The following RAB38 variants were observed in gnomAD, a reference collection of about 807,000 sequenced individuals.
RAB38 encodes ras-related protein Rab-38.
In RAB38, 15 loss-of-function variants were observed where a neutral mutation model predicts 18.4. That is an observed-to-expected ratio of 0.82 (90% CI 0.55 to 1.26). The LOEUF (loss-of-function observed/expected upper bound fraction) is 1.26, where lower values mean the gene tolerates loss of function less well. Among genes scored for constraint, RAB38 ranks in the 50% most tolerant of loss-of-function variants. The probability of loss-of-function intolerance (pLI) is 0.00; values close to 1 mark genes in which losing one functional copy is unlikely to be tolerated. For missense variants in RAB38, 294 were observed against 267.4 expected, an observed-to-expected ratio of 1.10 and a Z score of -0.69; for synonymous variants, 101 against 104.4, an observed-to-expected ratio of 0.97 and a Z score of 0.20.
At chr11:87,850,326 T>C in the RAB38 span, among the ~76,000 whole-genome samples, 2 of 152,136 alleles carry the variant, frequency 1.3e-5, no homozygotes, top group East Asian at 1.9e-4. Context: ...TACACACATA[T>C]GTACACTTCA....
At chr11:87,846,576 A>T in the RAB38 span, among the ~76,000 whole-genome samples, 1 of 151,036 alleles carries the variant, frequency 6.6e-6, no homozygotes, top group Non-Finnish European at 1.5e-5. Flanking sequence ...AATGTACAGA[A>T]TTAAAGAAAT....
At chr11:88,075,119 T>A in the RAB38 span, among the ~76,000 whole-genome samples, 3 of 152,160 alleles carry the variant, frequency 2.0e-5, no homozygotes. Flanking sequence ...TCAACACCAT[T>A]CTCAGCAATG....
chr11:88,173,910 C>G, intron 1 of RAB38: 1 of 985,426 alleles, frequency 1.0e-6, no homozygotes. Context: ...AATGCCCTTT[C>G]AAAAATTTTC....
chr11:88,123,520 T>C (rs538793602), intron 2 of RAB38, among the ~76,000 whole-genome samples: 26 of 152,232 alleles, frequency 1.7e-4, no homozygotes, highest in Non-Finnish European at 2.9e-4. Context: ...TATTATTTGA[T>C]ACCATTCTTT....
chr11:88,112,891 TC>T (rs964738215), downstream of RAB38, among the ~76,000 whole-genome samples: 2 of 152,082 alleles, frequency 1.3e-5, no homozygotes, highest in African/African-American at 4.8e-5. Flanking sequence ...CCTGCACGTG[TC>T]AGCACCACAA....
chr11:88,102,523 C>A, the RAB38 span, among the ~76,000 whole-genome samples: 1 of 152,030 alleles, frequency 6.6e-6, no homozygotes, highest in Non-Finnish European at 1.5e-5. Flanking sequence ...AATCACATGG[C>A]TATACTCATC....
the RAB38 span, among the ~76,000 whole-genome samples, chr11:87,923,490 T>C: frequency 6.6e-6 from 1 of 151,662 alleles, no homozygotes; most frequent in Non-Finnish European, 1.5e-5. Flanking sequence ...CAAACATAAT[T>C]AGTACTAGAG....
the RAB38 span, among the ~76,000 whole-genome samples, chr11:87,864,296 C>G: frequency 1.3e-5 from 2 of 150,516 alleles, no homozygotes; most frequent in Non-Finnish European, 3.0e-5. Flanking sequence ...CTATACTATA[C>G]TATGCTGTAC....
chr11:87,905,101 C>G, the RAB38 span, among the ~76,000 whole-genome samples: 3 of 151,508 alleles, frequency 2.0e-5, no homozygotes, highest in Non-Finnish European at 4.4e-5. Flanking sequence ...TGAGTAGCTT[C>G]TATTTCCCCG....
At chr11:87,961,351 C>T in the RAB38 span, among the ~76,000 whole-genome samples, 4 of 152,150 alleles carry the variant, frequency 2.6e-5, no homozygotes, top group African/African-American at 9.7e-5. Flanking sequence ...TTGTGTGATC[C>T]ATATAATGCT....
rs1447862493 is a variant in RAB38, at chr11:88,157,706, A to G, written c.203-7751T>C. ...AAATCTCTCAAAACCACACAATTACATGGAAATGAAAACAACTTGCTTTTG... is the reference window on the plus strand; with the variant it reads ...AAATCTCTCAAAACCACACAATTACGTGGAAATGAAAACAACTTGCTTTTG... On this transcript the variant is annotated intron_variant, in intron 1 of 2. Transcript: ENST00000243662. Among the ~76,000 whole-genome samples the G allele has an allele frequency of 2.6e-5, 4 of 152,292 alleles. No individual in the cohort carries two copies. The East Asian group carries it at 7.7e-4, about 29-fold the overall frequency.
the RAB38 span, among the ~76,000 whole-genome samples, chr11:88,021,563 A>T: frequency 0.014 from 2,049 of 141,964 alleles, 33 homozygotes; most frequent in South Asian, 0.02. Context: ...AGAGAAAGAT[A>T]ATTTATTTAT....
the RAB38 span, among the ~76,000 whole-genome samples, chr11:88,008,553 T>C: frequency 1.3e-5 from 2 of 152,180 alleles, no homozygotes; most frequent in Non-Finnish European, 2.9e-5. Flanking sequence ...TTCTAATGCA[T>C]GATAAAGTTT....
chr11:87,885,521 T>C, the RAB38 span, among the ~76,000 whole-genome samples: 2 of 152,044 alleles, frequency 1.3e-5, no homozygotes, highest in South Asian at 4.1e-4. Flanking sequence ...GGCAGTGTAC[T>C]GCGGGTAAAC....
the RAB38 span, among the ~76,000 whole-genome samples, chr11:88,023,617 C>G: frequency 6.6e-6 from 1 of 151,980 alleles, no homozygotes; most frequent in Non-Finnish European, 1.5e-5. Context: ...AAGAACAAAA[C>G]TGGAGGAATT....
chr11:87,972,007 C>T, the RAB38 span, among the ~76,000 whole-genome samples: 5 of 151,582 alleles, frequency 3.3e-5, no homozygotes, highest in Non-Finnish European at 7.4e-5. Context: ...AGTGTAGACA[C>T]ATTAACAGTT....
At chr11:87,901,238 T>A in the RAB38 span, among the ~76,000 whole-genome samples, 1 of 151,510 alleles carries the variant, frequency 6.6e-6, no homozygotes, top group African/African-American at 2.4e-5. Flanking sequence ...TGCAGACTAG[T>A]TCCAGAGCAA....
chr11:88,155,276 G>T (rs1032351241), intron 1 of RAB38, among the ~76,000 whole-genome samples: 6 of 152,184 alleles, frequency 3.9e-5, no homozygotes, highest in Non-Finnish European at 8.8e-5. Context: ...TCAGCCCATT[G>T]CCTGAGGCAA....
At chr11:88,142,053 A>T (rs1276416085) in intron 2 of RAB38, among the ~76,000 whole-genome samples, 2 of 146,888 alleles carry the variant, frequency 1.4e-5, no homozygotes, top group Admixed American at 6.8e-5. Flanking sequence ...GCCATGGTGT[A>T]GATAGCTCTC....
Sources: allele counts gnomAD v4.1 joint callset (sites outside exome capture counted in the v4.1 genomes callset), GRCh38; gene constraint gnomAD v4.1.1; transcripts MANE v1.5; gene names NCBI Gene and HGNC (gene_info 2026-07-23, HGNC 2026-07-21).